RPL22L1: variants seen among roughly 807,000 people sequenced by gnomAD.
RPL22L1 encodes the protein ribosomal protein eL22-like.
In RPL22L1, 19 loss-of-function variants were observed where a neutral mutation model predicts 17.3. The ratio of observed to expected loss-of-function variants is 1.10; its 90% CI spans 0.77 to 1.61. The LOEUF (loss-of-function observed/expected upper bound fraction) is 1.61. Among genes scored for constraint, RPL22L1 ranks in the 40% most tolerant of loss-of-function variants. The pLI is 0.00. For missense variants in RPL22L1, 139 were observed against 144.4 expected (o/e 0.96, Z 0.19); for synonymous variants, 48 against 48.5 (o/e 0.99, Z 0.05).
intron 1 of RPL22L1, among the ~76,000 whole-genome samples, chr3:170,869,419 T>C (rs1238252206): frequency 6.6e-6 from 1 of 152,188 alleles, no homozygotes; most frequent in Admixed American, 6.5e-5. Context: ...ACAAACAACT[T>C]CTGTCTAATG....
Position 170,865,882 on chromosome 3 carries a change from C to A in RPL22L1, c.*498G>T, listed in dbSNP as rs140322877. The A allele has an allele frequency of 3.3e-5, 5 of 152,458 alleles. No homozygotes were observed. Among genetic ancestry groups the A allele is most frequent in the Admixed American group, 1.3e-4 (2 of 15,306 alleles). The allele number at this position is 152,458 out of a possible 1,614,324, so 9.4% of individuals were successfully genotyped here. ...TCTACAGTAAGATTTCCTGGCCGGG[C>A]ATGGTGGTTCACAGCTATAATCAGC... On this transcript the variant is annotated 3_prime_UTR_variant, in exon 4 of 4. Transcript: ENST00000295830.
In RPL22L1 at chr3:170,870,144, A is replaced by C. The variant is rs372204393; in HGVS notation, c.9+15T>G. On this transcript the variant is annotated intron_variant, in intron 1 of 3. Transcript: ENST00000295830. ...ATTGCCACACAACACTCCCACCAAG[A>C]CATCGCTCACTCACCGGCGCCATCT... is the stretch of plus-strand genomic sequence containing the variant. The C allele has an allele frequency of 4.2e-5, 67 of 1,613,870 alleles. No homozygotes were observed. The African/African-American group carries it at 7.9e-4, about 19-fold the overall frequency.
chr3:170,867,996 T>C lies in RPL22L1; in HGVS notation c.224+17A>G, dbSNP rs769723655. The C allele has an allele frequency of 1.3e-6, 2 of 1,561,654 alleles. No homozygotes were observed. Among genetic ancestry groups the C allele is most frequent in the South Asian group, 1.2e-5 (1 of 84,380 alleles). ...CAAAACTACTATAGTTTTATTAAAA[T>C]TTGCAAAAGTACCAACCTTTTAGAG... On this transcript the variant is annotated intron_variant, in intron 3 of 3. Transcript: ENST00000295830.
rs780883686 is a variant in RPL22L1, at chr3:170,869,841, T to C, written c.9+318A>G. The C allele has an allele frequency of 3.8e-4, 183 of 480,560 alleles. 1 individual carries two copies. Among genetic ancestry groups the C allele is most frequent in the Non-Finnish European group, 3.3e-4 (82 of 247,926 alleles). The allele number at this position is 480,560 out of a possible 1,614,324, so 29.8% of individuals were successfully genotyped here. ...GGCAAAAGCATTATCAGGCGCGAGATAGTAAAGAAATGGCTCAGATTGCAG... is the reference window on the plus strand; with the variant it reads ...GGCAAAAGCATTATCAGGCGCGAGACAGTAAAGAAATGGCTCAGATTGCAG... On this transcript the variant is annotated intron_variant, in intron 1 of 3. Coordinates refer to ENST00000295830, the MANE Select transcript of RPL22L1 (RefSeq NM_001099645.2).
At chr3:170,869,724 C>T (rs765113966) in intron 1 of RPL22L1, among the ~76,000 whole-genome samples, 3 of 152,106 alleles carry the variant, frequency 2.0e-5, no homozygotes, top group African/African-American at 7.2e-5. Flanking sequence ...TGTCGGCCAT[C>T]GCGGGAGCTG....
chr3:170,867,150 T>C (rs376325807), intron 3 of RPL22L1, among the ~76,000 whole-genome samples: 2 of 152,202 alleles, frequency 1.3e-5, no homozygotes, highest in East Asian at 3.8e-4. Context: ...CTCACTGAAA[T>C]TAGCTCTTAC....
At chr3:170,869,109 G>A (rs1369666948) in intron 1 of RPL22L1, among the ~76,000 whole-genome samples, 1 of 123,450 alleles carries the variant, frequency 8.1e-6, no homozygotes, top group South Asian at 2.4e-4. Context: ...AACAGACTCT[G>A]TCTCAAAAAA....
chr3:170,865,802 A>G lies in RPL22L1; in HGVS notation c.*578T>C, dbSNP rs966093718. ...ACATTTACAAGCTATTAAAAACAGT[A>G]TTTGAGACTGTCAAGACAATCATAT... On this transcript the variant is annotated 3_prime_UTR_variant, in exon 4 of 4. Coordinates refer to ENST00000295830, the MANE Select transcript of RPL22L1 (RefSeq NM_001099645.2). The G allele has an allele frequency of 6.6e-6, 1 of 152,276 alleles. No individual in the cohort carries two copies. Among genetic ancestry groups the G allele is most frequent in the African/African-American group, 2.4e-5 (1 of 41,450 alleles). 9.4% of individuals were successfully genotyped at this position (152,276 alleles called of 1,614,324 possible). A position where few individuals can be genotyped will look rare whatever the true frequency, so the allele number is the denominator to read the frequency against.
intron 3 of RPL22L1, among the ~76,000 whole-genome samples, chr3:170,867,299 T>C (rs903808273): frequency 5.3e-5 from 8 of 152,194 alleles, no homozygotes; most frequent in South Asian, 2.1e-4. Context: ...CAGAACACTA[T>C]ACCCCAGACA....
chr3:170,868,010 A>G lies in RPL22L1; in HGVS notation c.224+3T>C. On this transcript the variant is annotated splice_donor_region_variant and intron_variant, in intron 3 of 3. Coordinates refer to ENST00000295830, the MANE Select transcript of RPL22L1 (RefSeq NM_001099645.2). Reference sequence around the variant, plus strand: ...TTTTATTAAAATTTGCAAAAGTACCAACCTTTTAGAGAACTGTTTCTCAGA... The same window carrying G: ...TTTTATTAAAATTTGCAAAAGTACCGACCTTTTAGAGAACTGTTTCTCAGA... 1 of 1,584,268 alleles carries G rather than the reference A, an allele frequency of 6.3e-7. No homozygotes were observed. The highest frequency in any genetic ancestry group is 8.6e-7 in the Non-Finnish European group (1 of 1,166,084).
intron 1 of RPL22L1, 41 bp downstream of exon 1, chr3:170,870,118 A>C: frequency 6.2e-7 from 1 of 1,613,770 alleles, no homozygotes; most frequent in South Asian, 1.1e-5. Flanking sequence ...GAAATCATTA[A>C]ATTGCCACAC....
chr3:170,868,219 G>T (rs985401837), intron 2 of RPL22L1, 79 bp downstream of exon 2: 1 of 1,481,352 alleles, frequency 6.8e-7, no homozygotes, highest in African/African-American at 1.4e-5. Flanking sequence ...TAGAGCTTAG[G>T]TTATTATCAA....
rs375049579 is a variant in RPL22L1 at position 170,868,103 on chromosome 3, T to C, written c.134A>G (p.Asn45Ser). 111 of 1,606,676 alleles carry C rather than the reference T, an allele frequency of 6.9e-5. No homozygotes were observed. Among genetic ancestry groups the C allele is most frequent in the South Asian group, 4.3e-4 (39 of 90,082 alleles). Residue 45 changes from asparagine to serine, a missense_variant, in exon 3 of 4, where the codon AAT becomes AGT. By Grantham distance (46) the Asn-to-Ser change is conservative (BLOSUM62 1). Coordinates refer to ENST00000295830, the MANE Select transcript of RPL22L1 (RefSeq NM_001099645.2). ...ATTCCCGAGATTTCCAGTTTTGCCA[T>C]TGACTTTAACCTTCTCCCGTAGAAA... ...EQFLREKVKV[N>S]GKTGNLGNVV...
rs370535214 is a variant in RPL22L1, at chr3:170,865,565, A to G, written c.*815T>C. 1 of 152,198 alleles carries G rather than the reference A, an allele frequency of 6.6e-6. No homozygotes were observed. The highest frequency in any genetic ancestry group is 2.4e-5 in the African/African-American group (1 of 41,440). The allele number at this position is 152,198 out of a possible 1,614,324, so 9.4% of individuals were successfully genotyped here. A position where few individuals can be genotyped will look rare whatever the true frequency, so the allele number is the denominator to read the frequency against. On this transcript the variant is annotated 3_prime_UTR_variant, in exon 4 of 4. Transcript: ENST00000295830. ...AGACAAGATTCCAACCGAGTGAACT[A>G]ATTTTTTCAGACAAGGACCACAGTA...
At position 170,868,370 on chromosome 3, in the gene RPL22L1, CT is replaced by C; in HGVS notation, c.29del (p.Lys10ArgfsTer15). The C allele has an allele frequency of 6.2e-7, 1 of 1,605,050 alleles. No homozygotes were observed. The highest frequency in any genetic ancestry group is 8.5e-7 in the Non-Finnish European group (1 of 1,174,300). MAPQKDRKP[K>X]RSTWRFNLDL... is the part of the protein sequence containing the mutation. ...CCAAATTAAACCTCCAGGTTGACCTCTTGGGCTTCCTGTCTTTCTGCTACAT... is the reference window on the plus strand; with the variant it reads ...CCAAATTAAACCTCCAGGTTGACCTCTGGGCTTCCTGTCTTTCTGCTACAT... On this transcript the variant is annotated frameshift_variant, in exon 2 of 4. Transcript: ENST00000295830. LOFTEE classifies it high-confidence loss of function.
chr3:170,869,370 G>C (rs1163014961), intron 1 of RPL22L1, among the ~76,000 whole-genome samples: 1 of 152,162 alleles, frequency 6.6e-6, no homozygotes, highest in Non-Finnish European at 1.5e-5. Context: ...TGTGCCAAAA[G>C]ATAATTACCC....
At position 170,867,874 on chromosome 3, in the gene RPL22L1, G is replaced by A. The variant is rs989214448; in HGVS notation, c.224+139C>T. On this transcript the variant is annotated intron_variant, in intron 3 of 3. Transcript: ENST00000295830. ...ACTCAGCAATTGGCACTCATTTACT[G>A]AATTTCCCATTTATGTAGGCCTTTA... 8 of 717,654 alleles carry A rather than the reference G, an allele frequency of 1.1e-5. No individual in the cohort carries two copies. The Admixed American group carries it at 1.2e-4, about 11-fold the overall frequency. The allele number at this position is 717,654 out of a possible 1,614,324, so 44.5% of individuals were successfully genotyped here.
chr3:170,868,379 CCTGT>C lies in RPL22L1; in HGVS notation c.17_20del (p.Asp6GlyfsTer18). ...ACCTCCAGGTTGACCTCTTGGGCTT[CCTGT>C]CTTTCTGCTACATAAATGAGAAATA... On this transcript the variant is annotated frameshift_variant, in exon 2 of 4. Transcript: ENST00000295830. LOFTEE classifies it high-confidence loss of function. The C allele has an allele frequency of 6.3e-7, 1 of 1,596,686 alleles. No homozygotes were observed. Among genetic ancestry groups the C allele is most frequent in the East Asian group, 2.2e-5 (1 of 44,740 alleles).
At chr3:170,869,113 CAA>C (rs35400944) in intron 1 of RPL22L1, among the ~76,000 whole-genome samples, 7 of 130,612 alleles carry the variant, frequency 5.4e-5, no homozygotes, top group South Asian at 2.5e-4. Context: ...GACTCTGTCT[CAA>C]AAAAAAAAAA....
Sources: allele counts gnomAD v4.1 joint callset (sites outside exome capture counted in the v4.1 genomes callset), GRCh38; gene constraint gnomAD v4.1.1; transcripts MANE v1.5; gene names NCBI Gene and HGNC (gene_info 2026-07-23, HGNC 2026-07-21).